Variants in UBN1 observed in about 807,000 individuals in gnomAD.
UBN1 encodes ubinuclein 1.
UBN1 carries 17 observed loss-of-function variants against 108.5 expected under a neutral mutation model. That is an observed-to-expected ratio of 0.16 (90% CI 0.11 to 0.24). The LOEUF is 0.24. UBN1 is among the 10% of genes least tolerant of loss of function. The pLI, the probability that UBN1 is intolerant of heterozygous loss-of-function variation, is 1.00. For missense variants in UBN1, 1,595 were observed against 1,394.4 expected (o/e 1.14, Z -2.29); for synonymous variants, 726 against 564.2 (o/e 1.29, Z -4.07).
chr16:4,866,936 G>A (rs1266751277), intron 7 of UBN1, among the ~76,000 whole-genome samples: 1 of 152,216 alleles, frequency 6.6e-6, no homozygotes, highest in African/African-American at 2.4e-5. Context: ...CAGATAGCCG[G>A]ACTTAAGGGG....
Position 4,853,145 on chromosome 16 carries a change from A to T in UBN1, c.228A>T (p.Lys76Asn). Reference protein sequence around the residue: ...ELVKNIRGKVKGLQPGDKKKD... With the variant: ...ELVKNIRGKVNGLQPGDKKKD... Reference sequence around the variant, plus strand: ...TGAAGAATATCCGAGGGAAGGTAAAAGGCCTTCAGCCTGGAGATAAGGTAC... The same window carrying T: ...TGAAGAATATCCGAGGGAAGGTAAATGGCCTTCAGCCTGGAGATAAGGTAC... The change falls in exon 2 of 18, where the codon AAA (lysine) becomes AAT (asparagine). Residue 76 changes from lysine (K) to asparagine (N), a missense_variant. Transcript: ENST00000262376. 1.9e-6 allele frequency: 3 copies of T among 1,614,198 alleles called. No individual in the cohort carries two copies.
At chr16:4,870,387 G>T (rs2087567067) in intron 9 of UBN1, 46 bp downstream of exon 9, 1 of 1,611,808 alleles carries the variant, frequency 6.2e-7, no homozygotes, top group African/African-American at 1.3e-5. Flanking sequence ...GGTCCTGGCG[G>T]AGGGGTGACT....
chr16:4,867,770 A>C (rs1020967975), intron 7 of UBN1, among the ~76,000 whole-genome samples: 3 of 151,708 alleles, frequency 2.0e-5, no homozygotes, highest in Non-Finnish European at 4.4e-5. Flanking sequence ...TGAGTGGGGG[A>C]GATGATGGTG....
intron 1 of UBN1, among the ~76,000 whole-genome samples, chr16:4,851,844 C>T (rs1354054568): frequency 6.6e-6 from 1 of 151,816 alleles, no homozygotes; most frequent in African/African-American, 2.4e-5. Context: ...AAAAAGTTAA[C>T]ATTTCTTTCA....
intron 7 of UBN1, among the ~76,000 whole-genome samples, chr16:4,863,731 TAGC>T (rs2087180765): frequency 6.6e-6 from 1 of 152,222 alleles, no homozygotes; most frequent in South Asian, 2.1e-4. Flanking sequence ...TGCCTTGTCA[TAGC>T]AGTTCGTTTC....
intron 2 of UBN1, among the ~76,000 whole-genome samples, chr16:4,855,096 C>G (rs1024471025): frequency 7.9e-5 from 12 of 152,112 alleles, no homozygotes; most frequent in Non-Finnish European, 1.8e-4. Flanking sequence ...AAGTGGGCCC[C>G]ACACTCGCAG....
At chr16:4,853,707 G>T (rs1435366744) in intron 2 of UBN1, among the ~76,000 whole-genome samples, 5 of 151,924 alleles carry the variant, frequency 3.3e-5, no homozygotes, top group Admixed American at 3.3e-4. Flanking sequence ...GACTACAGGT[G>T]CACGCCACCA....
rs1012875358 is a variant in UBN1, at chr16:4,880,392, AGGCTG to A, written c.*263_*267del. ...AGACGGTTGTTAGAGGGGCAGCTCT[AGGCTG>A]GGGCTTGCGCTGGGCCGTGGTGGGA... On this transcript the variant is annotated 3_prime_UTR_variant, in exon 18 of 18. Transcript: ENST00000262376. 1.4e-5 allele frequency: 7 copies of A among 484,334 alleles called. No individual in the cohort carries two copies. Among genetic ancestry groups the A allele is most frequent in the African/African-American group, 1.2e-4 (6 of 51,834 alleles). The allele number at this position is 484,334 out of a possible 1,614,324, so 30.0% of individuals were successfully genotyped here. A position where few individuals can be genotyped will look rare whatever the true frequency, so the allele number is the denominator to read the frequency against.
chr16:4,854,013 G>C (rs1412048319), intron 2 of UBN1, among the ~76,000 whole-genome samples: 1 of 152,062 alleles, frequency 6.6e-6, no homozygotes, highest in African/African-American at 2.4e-5. Flanking sequence ...ATTTCTAACA[G>C]CTTAGATCTG....
At chr16:4,858,973 T>C (rs1183117241) in intron 4 of UBN1, 52 bp from the exon 5 acceptor site, 3 of 1,600,124 alleles carry the variant, frequency 1.9e-6, no homozygotes, top group African/African-American at 1.3e-5. Context: ...ACTTTGCACC[T>C]TCGGACTGCA....
intron 14 of UBN1, 55 bp from the exon 15 acceptor site, chr16:4,874,156 C>G: frequency 6.7e-7 from 1 of 1,502,212 alleles, no homozygotes; most frequent in Non-Finnish European, 8.8e-7. Flanking sequence ...TCACAACAGG[C>G]CAATGTTGGC....
In UBN1 at chr16:4,870,916, A is replaced by G; in HGVS notation, c.1503A>G (p.Lys501=). The G allele has an allele frequency of 1.2e-6, 2 of 1,614,114 alleles. No individual in the cohort carries two copies. Among genetic ancestry groups the G allele is most frequent in the Non-Finnish European group, 1.7e-6 (2 of 1,180,024 alleles). Residue 501 remains lysine (K), a synonymous_variant, in exon 11 of 18, where the codon AAA becomes AAG. Transcript: ENST00000262376. ...ICSDEEEDEE[K]GGRRIMGPRK... The stretch of plus-strand genomic sequence containing the variant: ...CGGATGAGGAAGAAGATGAAGAAAA[A>G]GGGGGCAGGAGGATAATGGGACCTC...
intron 6 of UBN1, 120 bp downstream of exon 6, chr16:4,860,088 C>T: frequency 7.8e-7 from 1 of 1,285,822 alleles, no homozygotes; most frequent in Non-Finnish European, 1.1e-6. Flanking sequence ...GCCTTCCTGT[C>T]CTCCCGCACG....
intron 1 of UBN1, 27 bp downstream of exon 1, chr16:4,848,237 C>T (rs79013038): frequency 0.069 from 10,540 of 152,336 alleles, 377 homozygotes; most frequent in Non-Finnish European, 0.084. Flanking sequence ...GGTCCGGGCT[C>T]TCTCGTTAGC....
intron 7 of UBN1, among the ~76,000 whole-genome samples, chr16:4,866,122 T>G (rs965208136): frequency 6.6e-6 from 1 of 152,204 alleles, no homozygotes; most frequent in Non-Finnish European, 1.5e-5. Context: ...AGTGTAAGCT[T>G]AAGCAAAAAA....
rs1286096468 is a variant in UBN1, at chr16:4,847,961, C to T, written c.-289C>T. The T allele has an allele frequency of 6.5e-6, 1 of 152,952 alleles. No individual in the cohort carries two copies. The highest frequency in any genetic ancestry group is 1.5e-5 in the Non-Finnish European group (1 of 68,644). The allele number at this position is 152,952 out of a possible 1,614,324, so 9.5% of individuals were successfully genotyped here. On this transcript the variant is annotated 5_prime_UTR_variant, in exon 1 of 18. Transcript: ENST00000262376. ...GCGACCGGAGGCTGCTCCCCCGACCCCCTGGTGTCCCCGGAGTGGCTGCGC... is the reference window on the plus strand; with the variant it reads ...GCGACCGGAGGCTGCTCCCCCGACCTCCTGGTGTCCCCGGAGTGGCTGCGC...
At chr16:4,866,936 G>T (rs1266751277) in intron 7 of UBN1, among the ~76,000 whole-genome samples, 1 of 152,216 alleles carries the variant, frequency 6.6e-6, no homozygotes, top group African/African-American at 2.4e-5. Flanking sequence ...CAGATAGCCG[G>T]ACTTAAGGGG....
chr16:4,864,330 T>C (rs2087219178), intron 7 of UBN1, among the ~76,000 whole-genome samples: 1 of 152,134 alleles, frequency 6.6e-6, no homozygotes, highest in Non-Finnish European at 1.5e-5. Flanking sequence ...GGGAAAAAAC[T>C]CTGGGAAGCA....
intron 14 of UBN1, 127 bp downstream of exon 14, chr16:4,873,200 C>A: frequency 7.3e-7 from 1 of 1,363,954 alleles, no homozygotes; most frequent in Non-Finnish European, 1.0e-6. Flanking sequence ...CTCAGGATGA[C>A]ATTCTTGAAG....
Sources: gnomAD v4.1 joint callset for allele counts (sites outside exome capture counted in the v4.1 genomes callset) on GRCh38, gnomAD v4.1.1 for gene constraint, MANE v1.5 for transcripts, NCBI Gene and HGNC (gene_info 2026-07-23, HGNC 2026-07-21) for gene names.